The following DCC variants were observed in gnomAD, a reference collection of about 807,000 sequenced individuals.
DCC encodes the protein netrin receptor DCC.
Under a neutral mutation model 172.5 loss-of-function variants are expected in DCC, and 58 were observed. The observed-to-expected ratio is 0.34, with a 90% confidence interval of 0.27 to 0.42. The LOEUF (loss-of-function observed/expected upper bound fraction) is 0.42. DCC is among the 10% of genes least tolerant of loss of function. The probability of loss-of-function intolerance (pLI) is 1.00; values close to 1 mark genes in which losing one functional copy is unlikely to be tolerated. For missense variants in DCC, 1,740 were observed against 1,791.0 expected, an observed-to-expected ratio of 0.97 and a Z score of 0.51; for synonymous variants, 709 against 644.5, an observed-to-expected ratio of 1.10 and a Z score of -1.52.
At chr18:52,643,965 T>TC (rs2034960784) in intron 1 of DCC, among the ~76,000 whole-genome samples, 1 of 150,730 alleles carries the variant, frequency 6.6e-6, no homozygotes, top group Non-Finnish European at 1.5e-5. Flanking sequence ...TTGGTTTTTT[T>TC]TTTCTTCCTC....
At chr18:52,553,279 T>C (rs2032826670) in intron 1 of DCC, among the ~76,000 whole-genome samples, 1 of 152,016 alleles carries the variant, frequency 6.6e-6, no homozygotes, top group Non-Finnish European at 1.5e-5. Flanking sequence ...TACCAAGGGA[T>C]GCCAGAGAGA....
chr18:53,126,514 CT>C (rs138876533), intron 7 of DCC, among the ~76,000 whole-genome samples: 2,459 of 152,108 alleles, frequency 0.016, 80 homozygotes, highest in African/African-American at 0.057. Flanking sequence ...TCTTTTTGGG[CT>C]TTAAAAGCAC....
chr18:52,996,730 C>G (rs192671804), intron 5 of DCC, among the ~76,000 whole-genome samples: 1 of 151,150 alleles, frequency 6.6e-6, no homozygotes, highest in East Asian at 1.9e-4. Context: ...TTGCCACACA[C>G]TCTACTTGAT....
chr18:52,417,335 A>T (rs368396026), intron 1 of DCC, among the ~76,000 whole-genome samples: 19 of 151,930 alleles, frequency 1.3e-4, no homozygotes, highest in Admixed American at 3.3e-4. Flanking sequence ...TTGGTGAATC[A>T]GACAATTATG....
intron 5 of DCC, among the ~76,000 whole-genome samples, chr18:52,953,466 G>T (rs1393579451): frequency 6.6e-6 from 1 of 152,138 alleles, no homozygotes; most frequent in Non-Finnish European, 1.5e-5. Flanking sequence ...ACCTGTATCT[G>T]CCTGATCCAT....
intron 2 of DCC, among the ~76,000 whole-genome samples, chr18:52,854,452 AAGTAAACCTACCAGG>A (rs1279182235): frequency 2.0e-5 from 3 of 152,182 alleles, no homozygotes; most frequent in East Asian, 3.9e-4. Context: ...ACCTACCTTA[AAGTAAACCTACCAGG>A]AGTAAACCTA....
intron 2 of DCC, among the ~76,000 whole-genome samples, chr18:52,765,911 A>G (rs574407113): frequency 6.6e-6 from 1 of 152,212 alleles, no homozygotes; most frequent in Non-Finnish European, 1.5e-5. Context: ...TCTATCTTCT[A>G]TGCTTATTGT....
intron 7 of DCC, among the ~76,000 whole-genome samples, chr18:53,070,592 C>T (rs1044136924): frequency 6.6e-6 from 1 of 152,110 alleles, no homozygotes; most frequent in African/African-American, 2.4e-5. Flanking sequence ...TGTCAAGGCT[C>T]TCCTGAGCAG....
At chr18:52,746,258 C>T (rs188122955) in intron 1 of DCC, among the ~76,000 whole-genome samples, 185 of 152,182 alleles carry the variant, frequency 1.2e-3, no homozygotes, top group African/African-American at 4.3e-3. Context: ...TGAAGATTCA[C>T]GGATCATCAG....
chr18:52,685,474 G>A (rs1299258717), intron 1 of DCC, among the ~76,000 whole-genome samples: 1 of 152,116 alleles, frequency 6.6e-6, no homozygotes, highest in East Asian at 1.9e-4. Flanking sequence ...TTATGACAAT[G>A]TTGGAAGGTG....
intron 5 of DCC, among the ~76,000 whole-genome samples, chr18:53,015,955 A>G (rs545010856): frequency 6.6e-6 from 1 of 152,282 alleles, no homozygotes; most frequent in African/African-American, 2.4e-5. Flanking sequence ...TACTTTGTCA[A>G]AACTTGTGGA....
At chr18:53,105,308 T>C (rs1015815941) in intron 7 of DCC, among the ~76,000 whole-genome samples, 1 of 151,968 alleles carries the variant, frequency 6.6e-6, no homozygotes, top group Admixed American at 6.6e-5. Flanking sequence ...GGCAGACTAC[T>C]CTTGTTGGCA....
chr18:52,805,214 C>T (rs1269096977), intron 2 of DCC, among the ~76,000 whole-genome samples: 1 of 152,100 alleles, frequency 6.6e-6, no homozygotes, highest in Non-Finnish European at 1.5e-5. Flanking sequence ...TCTCTCTGTG[C>T]CTTTCAACGC....
intron 9 of DCC, among the ~76,000 whole-genome samples, chr18:53,184,054 T>C (rs1186906138): frequency 2.1e-5 from 3 of 145,606 alleles, no homozygotes; most frequent in Non-Finnish European, 4.5e-5. Context: ...AATAAGAACA[T>C]AATTTCAACT....
chr18:52,538,759 A>G (rs1041213957), intron 1 of DCC, among the ~76,000 whole-genome samples: 3 of 152,142 alleles, frequency 2.0e-5, no homozygotes, highest in Non-Finnish European at 4.4e-5. Flanking sequence ...GTGTTTTCTT[A>G]CAAACATGTT....
At chr18:52,462,715 C>G (rs1486686103) in intron 1 of DCC, among the ~76,000 whole-genome samples, 2 of 152,030 alleles carry the variant, frequency 1.3e-5, no homozygotes, top group African/African-American at 4.8e-5. Flanking sequence ...TTACCCCTTG[C>G]CTACTTCCCT....
intron 12 of DCC, among the ~76,000 whole-genome samples, chr18:53,250,603 G>A (rs964117401): frequency 1.6e-5 from 2 of 125,548 alleles, no homozygotes; most frequent in Non-Finnish European, 3.4e-5. Flanking sequence ...ATCCTTCCTA[G>A]TGTCCTTCCT....
In DCC at chr18:53,530,768, G is replaced by A. The variant is rs975082998; in HGVS notation, c.*115G>A. Reference sequence around the variant, plus strand: ...TAACCAGTGTACAGGTCACCCATCAGGACCACTCAGTTAAGGAAGATCCTG... The same window carrying A: ...TAACCAGTGTACAGGTCACCCATCAAGACCACTCAGTTAAGGAAGATCCTG... On this transcript the variant is annotated 3_prime_UTR_variant, in exon 29 of 29. Transcript: ENST00000442544. The A allele has an allele frequency of 1.2e-5, 9 of 749,520 alleles. No individual in the cohort carries two copies. The highest frequency in any genetic ancestry group is 1.0e-4 in the East Asian group (4 of 39,668). 46.4% of individuals were successfully genotyped at this position (749,520 alleles called of 1,614,324 possible).
chr18:53,355,431 G>T (rs1242102049), intron 15 of DCC, among the ~76,000 whole-genome samples: 2 of 152,176 alleles, frequency 1.3e-5, no homozygotes, highest in East Asian at 3.9e-4. Flanking sequence ...CCATTTGTTT[G>T]TGTCCTCTTT....
Sources: allele counts gnomAD v4.1 joint callset (sites outside exome capture counted in the v4.1 genomes callset), GRCh38; gene constraint gnomAD v4.1.1; transcripts MANE v1.5; gene names NCBI Gene and HGNC (gene_info 2026-07-23, HGNC 2026-07-21).